The following UACA variants were observed in gnomAD, a reference collection of about 807,000 sequenced individuals.
UACA encodes nuclear membrane binding protein.
A neutral mutation model predicts 160.5 loss-of-function variants in UACA; 112 were observed. That is an observed-to-expected ratio of 0.70 (90% CI 0.60 to 0.82). UACA has a LOEUF of 0.82. UACA is among the 40% of genes least tolerant of loss of function. The pLI is 0.00. For synonymous variants in UACA, 557 were observed against 568.4 expected (o/e 0.98, Z 0.29); for missense variants, 1,574 against 1,614.6 (o/e 0.97, Z 0.43).
At chr15:70,771,048 A>G in the UACA span, among the ~76,000 whole-genome samples, 2 of 152,208 alleles carry the variant, frequency 1.3e-5, no homozygotes, top group Non-Finnish European at 2.9e-5. Context: ...TCAATACTAC[A>G]TGACTCCAAG....
At chr15:70,704,863 A>G (rs556269143) in intron 1 of UACA, among the ~76,000 whole-genome samples, 31 of 152,338 alleles carry the variant, frequency 2.0e-4, no homozygotes, top group African/African-American at 5.1e-4. Flanking sequence ...AAATCACAGC[A>G]GATTCAGAGA....
rs554464378 is a variant in UACA at position 70,760,507 on chromosome 15, A to G, written c.78+2823T>C. ...AATAGGGAAAAATATCGACAACCCA[A>G]TAGAAAAATGGAAAGGACAGGCCAG... is the stretch of plus-strand genomic sequence containing the variant. On this transcript the variant is annotated intron_variant, in intron 1 of 18. Coordinates refer to ENST00000322954, the MANE Select transcript of UACA (RefSeq NM_018003.4). Among the ~76,000 whole-genome samples, 7 of 152,278 alleles carry G rather than the reference A, an allele frequency of 4.6e-5. No homozygotes were observed. In the South Asian group the frequency reaches 1.5e-3, roughly 32 times the overall value.
intron 1 of UACA, among the ~76,000 whole-genome samples, chr15:70,736,352 C>T (rs1387945655): frequency 1.3e-5 from 2 of 152,206 alleles, no homozygotes; most frequent in East Asian, 3.9e-4. Context: ...TAGCAAACTA[C>T]TCTAAAAATT....
chr15:70,687,859 T>A (rs118122813), intron 5 of UACA, 39 bp from the exon 6 acceptor site: 16,693 of 1,594,374 alleles, frequency 0.01, 107 homozygotes, highest in Non-Finnish European at 0.012. Context: ...GGTGAACATC[T>A]GTTGGTAAGA....
intron 1 of UACA, among the ~76,000 whole-genome samples, chr15:70,749,781 A>G (rs2029927013): frequency 6.6e-6 from 1 of 152,072 alleles, no homozygotes; most frequent in Admixed American, 6.5e-5. Context: ...TTATTAGCAT[A>G]GTAAGTTAAA....
chr15:70,665,358 TCAGA>T (rs1310101967), intron 16 of UACA, among the ~76,000 whole-genome samples: 2 of 152,216 alleles, frequency 1.3e-5, no homozygotes, highest in Non-Finnish European at 2.9e-5. Flanking sequence ...TGCTTTAAAG[TCAGA>T]CAGAGTCAAC....
rs549511562 is a variant in UACA at position 70,742,908 on chromosome 15, T to C, written c.78+20422A>G. On this transcript the variant is annotated intron_variant, in intron 1 of 18. Transcript: ENST00000322954. ...ACATTTATTTAAAATTTTTCAGTTC[T>C]GTAGGTCAGAAGTTTAGGTGGAGCT... is the stretch of plus-strand genomic sequence containing the variant. Among the ~76,000 whole-genome samples the C allele has an allele frequency of 3.3e-5, 5 of 152,358 alleles. No homozygotes were observed. In the South Asian group the frequency reaches 1.0e-3, roughly 32 times the overall value.
At chr15:70,701,515 A>G (rs567746685) in intron 1 of UACA, among the ~76,000 whole-genome samples, 8 of 152,344 alleles carry the variant, frequency 5.3e-5, no homozygotes, top group Admixed American at 3.3e-4. Flanking sequence ...AGAGCCATTT[A>G]AATCACCACA....
intron 1 of UACA, chr15:70,749,298 G>A: frequency 2.7e-6 from 1 of 366,974 alleles, no homozygotes; most frequent in Non-Finnish European, 5.4e-6. Flanking sequence ...AGGCCGAAGT[G>A]GGCGGATCAC....
intron 1 of UACA, among the ~76,000 whole-genome samples, chr15:70,744,996 C>G (rs1437741646): frequency 6.6e-6 from 1 of 152,178 alleles, no homozygotes; most frequent in Non-Finnish European, 1.5e-5. Context: ...ACTCTTAAGT[C>G]TAGAGTTCTC....
chr15:70,773,402 C>T, the UACA span, among the ~76,000 whole-genome samples: 1 of 152,110 alleles, frequency 6.6e-6, no homozygotes, highest in African/African-American at 2.4e-5. Context: ...TGGATAATGA[C>T]AAGACATCAG....
chr15:70,745,655 A>G (rs1899684578), intron 1 of UACA, among the ~76,000 whole-genome samples: 1 of 152,168 alleles, frequency 6.6e-6, no homozygotes, highest in African/African-American at 2.4e-5. Context: ...CATTGCCAAG[A>G]CAATCCTAAG....
chr15:70,769,121 G>A, the UACA span, among the ~76,000 whole-genome samples: 2 of 151,996 alleles, frequency 1.3e-5, no homozygotes, highest in African/African-American at 4.8e-5. Context: ...CACTTTGGGA[G>A]GCCGAGGCGG....
At chr15:70,718,280 G>A (rs1412839164) in intron 1 of UACA, among the ~76,000 whole-genome samples, 1 of 148,766 alleles carries the variant, frequency 6.7e-6, no homozygotes, top group African/African-American at 2.5e-5. Context: ...GAGGGGGAGA[G>A]AGGGAGAGAG....
intron 9 of UACA, among the ~76,000 whole-genome samples, chr15:70,680,551 A>G (rs1897462947): frequency 1.3e-5 from 2 of 152,156 alleles, no homozygotes; most frequent in Admixed American, 6.6e-5. Context: ...TATATCCACA[A>G]TTTGGCCCTA....
At chr15:70,720,991 G>A (rs1898972273) in intron 1 of UACA, among the ~76,000 whole-genome samples, 1 of 152,128 alleles carries the variant, frequency 6.6e-6, no homozygotes, top group Admixed American at 6.5e-5. Context: ...ATGAAAATGT[G>A]GAGTGCAGCC....
chr15:70,763,366 G>A lies in UACA; in HGVS notation c.42C>T (p.Pro14=), dbSNP rs2030897834. ...CGGCGGCGCCAGACGACGCGGGGCCGGGCACGTCCTGCCTCCTCAGGCGGG... is the reference window on the plus strand; with the variant it reads ...CGGCGGCGCCAGACGACGCGGGGCCAGGCACGTCCTGCCTCCTCAGGCGGG... ...LKSRLRRQDV[P]GPASSGAAAA... Residue 14 remains proline, a synonymous_variant, in exon 1 of 19, where the codon CCC becomes CCT. Coordinates refer to ENST00000322954, the MANE Select transcript of UACA (RefSeq NM_018003.4). The A allele has an allele frequency of 1.3e-5, 18 of 1,337,776 alleles. No homozygotes were observed. The highest frequency in any genetic ancestry group is 2.0e-5 in the South Asian group (1 of 50,784). The allele number at this position is 1,337,776 out of a possible 1,614,324, so 82.9% of individuals were successfully genotyped here. A position where few individuals can be genotyped will look rare whatever the true frequency, so the allele number is the denominator to read the frequency against.
intron 2 of UACA, among the ~76,000 whole-genome samples, chr15:70,697,861 A>T (rs1898186884): frequency 6.6e-6 from 1 of 151,924 alleles, no homozygotes. Flanking sequence ...GACCAGCCTG[A>T]CCAACATGAA....
chr15:70,759,383 C>T (rs1057016798), intron 1 of UACA, among the ~76,000 whole-genome samples: 3 of 152,302 alleles, frequency 2.0e-5, no homozygotes, highest in African/African-American at 4.8e-5. Flanking sequence ...AGGCTGGGCA[C>T]GGTGGCTGAT....
Sources: gnomAD v4.1 joint callset for allele counts (sites outside exome capture counted in the v4.1 genomes callset) on GRCh38, gnomAD v4.1.1 for gene constraint, MANE v1.5 for transcripts, NCBI Gene and HGNC (gene_info 2026-07-23, HGNC 2026-07-21) for gene names.